ANO4: variants seen among roughly 807,000 people sequenced by gnomAD.
ANO4 encodes anoctamin 4.
In ANO4, 69 loss-of-function variants were observed where a neutral mutation model predicts 141.9. That is an observed-to-expected ratio of 0.49 (90% CI 0.40 to 0.59). The LOEUF is 0.59. Ranked by LOEUF, ANO4 falls within the 20% of genes least tolerant of loss-of-function variation. The pLI is 0.00. For synonymous variants in ANO4, 350 were observed against 394.3 expected, an observed-to-expected ratio of 0.89 and a Z score of 1.33; for missense variants, 894 against 1,162.2, an observed-to-expected ratio of 0.77 and a Z score of 3.36.
chr12:100,989,975 A>AGATGGGTG (rs2045008060), intron 8 of ANO4, among the ~76,000 whole-genome samples: 1 of 131,756 alleles, frequency 7.6e-6, no homozygotes, highest in Non-Finnish European at 1.6e-5. Flanking sequence ...ATAGGTCACC[A>AGATGGGTG]GATGGATGGA....
At chr12:100,904,747 A>G (rs897421044) in intron 2 of ANO4, among the ~76,000 whole-genome samples, 1 of 152,216 alleles carries the variant, frequency 6.6e-6, no homozygotes, top group Non-Finnish European at 1.5e-5. Flanking sequence ...TTTGAGCAGA[A>G]GAATTCCATA....
rs200135686 is a variant in ANO4 at position 100,726,233 on chromosome 12, T to TA, written c.23-7531dup. ...TTATTGTATCTGTGTTAAACTTCAG[T>TA]AAAAAAAAAAGTCCTTTCTTTTTAT... On this transcript the variant is annotated intron_variant, in intron 1 of 29. Transcript: ENST00000644049. Among the ~76,000 whole-genome samples the TA allele has an allele frequency of 2.9e-3, 435 of 148,864 alleles. 3 individuals are homozygous for TA. The highest frequency in any genetic ancestry group is 9.3e-3 in the African/African-American group (377 of 40,756).
At chr12:100,867,891 T>C (rs1401166471) in intron 1 of ANO4, among the ~76,000 whole-genome samples, 2 of 152,186 alleles carry the variant, frequency 1.3e-5, no homozygotes, top group Non-Finnish European at 2.9e-5. Context: ...ATTGCCCTCA[T>C]GCAATGAATC....
chr12:100,746,774 A>T (rs1413465615), intron 3 of ANO4, among the ~76,000 whole-genome samples: 3 of 152,084 alleles, frequency 2.0e-5, no homozygotes, highest in Non-Finnish European at 4.4e-5. Flanking sequence ...TGTGTGTAGT[A>T]CCTTGCCCTT....
chr12:101,025,222 A>T (rs966498106), intron 9 of ANO4, among the ~76,000 whole-genome samples: 16 of 152,250 alleles, frequency 1.1e-4, no homozygotes, highest in African/African-American at 3.9e-4. Flanking sequence ...AAGACACTGA[A>T]TATTGGGCAA....
intron 5 of ANO4, among the ~76,000 whole-genome samples, chr12:100,946,504 TTGAA>T (rs1255109478): frequency 6.6e-6 from 1 of 152,034 alleles, no homozygotes; most frequent in Non-Finnish European, 1.5e-5. Flanking sequence ...TGCAGACAGA[TTGAA>T]TGGGCAGTGT....
chr12:101,002,617 G>T (rs1247791280), intron 8 of ANO4, among the ~76,000 whole-genome samples: 4 of 152,064 alleles, frequency 2.6e-5, no homozygotes. Flanking sequence ...GTAATATCCT[G>T]TTCTTCCCTC....
At chr12:101,008,274 A>G (rs1235402526) in intron 8 of ANO4, among the ~76,000 whole-genome samples, 1 of 152,302 alleles carries the variant, frequency 6.6e-6, no homozygotes, top group East Asian at 1.9e-4. Flanking sequence ...CAGCAATCCC[A>G]TGCTTCAACC....
At chr12:100,874,482 T>C (rs572766851) in intron 1 of ANO4, among the ~76,000 whole-genome samples, 1 of 152,290 alleles carries the variant, frequency 6.6e-6, no homozygotes, top group South Asian at 2.1e-4. Context: ...AGACATGAAG[T>C]CAAAGGAGAT....
chr12:100,857,046 C>T (rs1243786929), intron 1 of ANO4, among the ~76,000 whole-genome samples: 1 of 152,026 alleles, frequency 6.6e-6, no homozygotes, highest in South Asian at 2.1e-4. Flanking sequence ...GGTTTTGTTT[C>T]AGCAGAAGCC....
At chr12:101,078,442 G>T (rs997573522) in intron 14 of ANO4, among the ~76,000 whole-genome samples, 2 of 152,130 alleles carry the variant, frequency 1.3e-5, no homozygotes, top group Admixed American at 6.6e-5. Flanking sequence ...ATTGCATAAT[G>T]CTCAATAATT....
chr12:101,063,512 G>T (rs2048434921), intron 14 of ANO4, among the ~76,000 whole-genome samples: 1 of 152,026 alleles, frequency 6.6e-6, no homozygotes, highest in African/African-American at 2.4e-5. Flanking sequence ...CTTCATGAGG[G>T]TTATTGGCCT....
At chr12:101,116,261 A>T (rs76409655) in intron 24 of ANO4, among the ~76,000 whole-genome samples, 1 of 152,300 alleles carries the variant, frequency 6.6e-6, no homozygotes, top group Non-Finnish European at 1.5e-5. Flanking sequence ...AGTTGGGGGG[A>T]TCATATGCAC....
At chr12:101,051,331 C>T (rs1263218108) in intron 14 of ANO4, among the ~76,000 whole-genome samples, 1 of 152,060 alleles carries the variant, frequency 6.6e-6, no homozygotes, top group Non-Finnish European at 1.5e-5. Context: ...TTGTAAGACT[C>T]TGATGGATGT....
chr12:100,813,303 T>C (rs2035552557), intron 1 of ANO4, among the ~76,000 whole-genome samples: 1 of 152,134 alleles, frequency 6.6e-6, no homozygotes, highest in Non-Finnish European at 1.5e-5. Context: ...GACAAATGGG[T>C]GATCCTCTCC....
chr12:100,770,974 T>C (rs1267382180), intron 3 of ANO4, among the ~76,000 whole-genome samples: 3 of 152,062 alleles, frequency 2.0e-5, no homozygotes, highest in Non-Finnish European at 4.4e-5. Context: ...GCATTGAGAA[T>C]CCGAATTTAA....
At chr12:101,060,465 A>G (rs1024778303) in intron 14 of ANO4, among the ~76,000 whole-genome samples, 2 of 152,212 alleles carry the variant, frequency 1.3e-5, no homozygotes, top group Non-Finnish European at 1.5e-5. Context: ...GATCTGTCCA[A>G]TATTGACAGT....
intron 1 of ANO4, among the ~76,000 whole-genome samples, chr12:100,799,140 T>C (rs1348680195): frequency 6.6e-6 from 1 of 152,166 alleles, no homozygotes; most frequent in Non-Finnish European, 1.5e-5. Context: ...ATCTGCTACA[T>C]GAAGCTTGGA....
At chr12:101,066,405 G>C (rs531145023) in intron 14 of ANO4, among the ~76,000 whole-genome samples, 1 of 152,196 alleles carries the variant, frequency 6.6e-6, no homozygotes, top group Non-Finnish European at 1.5e-5. Context: ...GATACATTCA[G>C]TGAAGTTGCA....
Sources: gnomAD v4.1 joint callset for allele counts (sites outside exome capture counted in the v4.1 genomes callset) on GRCh38, gnomAD v4.1.1 for gene constraint, MANE v1.5 for transcripts, NCBI Gene and HGNC (gene_info 2026-07-23, HGNC 2026-07-21) for gene names.